The following GLIPR1L2 variants were observed in gnomAD, a reference collection of about 807,000 sequenced individuals.
GLIPR1L2 encodes GLIPR1 like 2, also known as GLIPR1-like protein 2.
A neutral mutation model predicts 28.4 loss-of-function variants in GLIPR1L2; 21 were observed. The observed-to-expected ratio is 0.74, with a 90% confidence interval of 0.52 to 1.06. The LOEUF (loss-of-function observed/expected upper bound fraction) is 1.06, where lower values mean the gene tolerates loss of function less well. Among genes scored for constraint, GLIPR1L2 ranks in the 50% least tolerant of loss-of-function variants. The pLI, the probability that GLIPR1L2 is intolerant of heterozygous loss-of-function variation, is 0.00. For synonymous variants in GLIPR1L2, 145 were observed against 139.3 expected, an observed-to-expected ratio of 1.04 and a Z score of -0.29; for missense variants, 476 against 416.9, an observed-to-expected ratio of 1.14 and a Z score of -1.23.
intron 4 of GLIPR1L2, among the ~76,000 whole-genome samples, chr12:75,424,487 A>G (rs2139963156): frequency 6.6e-6 from 1 of 152,196 alleles, no homozygotes; most frequent in South Asian, 2.1e-4. Flanking sequence ...GCTCTGTCAC[A>G]CAGGCTGGAA....
intron 1 of GLIPR1L2, among the ~76,000 whole-genome samples, chr12:75,400,313 A>G (rs2045726483): frequency 6.6e-6 from 1 of 151,866 alleles, no homozygotes; most frequent in Non-Finnish European, 1.5e-5. Flanking sequence ...TTTAGTAGAT[A>G]TAGGTTTTCA....
chr12:75,421,567 C>T (rs2045976389), intron 3 of GLIPR1L2, among the ~76,000 whole-genome samples: 1 of 152,152 alleles, frequency 6.6e-6, no homozygotes, highest in Non-Finnish European at 1.5e-5. Flanking sequence ...GATTAAATTA[C>T]CAGGATTAAT....
At chr12:75,426,980 G>A (rs979406537) in intron 4 of GLIPR1L2, among the ~76,000 whole-genome samples, 11 of 152,086 alleles carry the variant, frequency 7.2e-5, no homozygotes, top group Admixed American at 6.6e-5. Flanking sequence ...CTCTCTGTGA[G>A]CCCTGAATCT....
intron 3 of GLIPR1L2, among the ~76,000 whole-genome samples, chr12:75,416,366 G>T (rs186933555): frequency 6.6e-6 from 1 of 151,246 alleles, no homozygotes; most frequent in East Asian, 2.0e-4. Context: ...AGGCCCTGAA[G>T]TGGAAGTCAC....
chr12:75,423,012 G>GA (rs769479789), intron 4 of GLIPR1L2, 23 bp downstream of exon 4: 7 of 1,606,022 alleles, frequency 4.4e-6, no homozygotes, highest in African/African-American at 2.7e-5. Context: ...AAATAAACAT[G>GA]AAAAAAATGC....
At chr12:75,424,260 C>G (rs986350167) in intron 4 of GLIPR1L2, among the ~76,000 whole-genome samples, 1 of 152,210 alleles carries the variant, frequency 6.6e-6, no homozygotes, top group African/African-American at 2.4e-5. Context: ...GATCACTGTT[C>G]TAACTGGCAT....
chr12:75,424,572 A>G (rs2046014058), intron 4 of GLIPR1L2, among the ~76,000 whole-genome samples: 1 of 151,908 alleles, frequency 6.6e-6, no homozygotes, highest in South Asian at 2.1e-4. Context: ...CAGCCTCCCA[A>G]GTAGCTAATA....
At chr12:75,399,063 T>C (rs2045712248) in intron 1 of GLIPR1L2, among the ~76,000 whole-genome samples, 1 of 152,222 alleles carries the variant, frequency 6.6e-6, no homozygotes, top group Non-Finnish European at 1.5e-5. Flanking sequence ...TTAAATGTAC[T>C]ACCTTTTTTA....
Position 75,411,263 on chromosome 12 carries a change from A to G in GLIPR1L2, c.480+584A>G, listed in dbSNP as rs577664892. Among the ~76,000 whole-genome samples the G allele has an allele frequency of 1.2e-3, 189 of 151,968 alleles. 1 individual carries two copies. The highest frequency in any genetic ancestry group is 1.6e-3 in the Non-Finnish European group (111 of 67,818). The stretch of plus-strand genomic sequence containing the variant: ...CTGAGGGCAGGGACCTTACCTTTTC[A>G]TCCATATATTCTCAACATAACAACA... On this transcript the variant is annotated intron_variant, in intron 2 of 5. Transcript: ENST00000550916.
chr12:75,418,144 T>C (rs2045941646), intron 3 of GLIPR1L2, among the ~76,000 whole-genome samples: 1 of 152,132 alleles, frequency 6.6e-6, no homozygotes, highest in African/African-American at 2.4e-5. Context: ...TTTCCGCTTA[T>C]TGTGTTATAT....
intron 1 of GLIPR1L2, among the ~76,000 whole-genome samples, chr12:75,408,555 A>G (rs2045827472): frequency 2.0e-5 from 3 of 152,104 alleles, no homozygotes; most frequent in Admixed American, 1.3e-4. Context: ...AAGTATATGC[A>G]TAATAAATCA....
At chr12:75,398,078 C>A (rs1264097398) in intron 1 of GLIPR1L2, among the ~76,000 whole-genome samples, 1 of 151,290 alleles carries the variant, frequency 6.6e-6, no homozygotes, top group East Asian at 1.9e-4. Context: ...CGCCTGTAAT[C>A]CCAACACTTC....
At chr12:75,406,833 C>G (rs150590768) in intron 1 of GLIPR1L2, among the ~76,000 whole-genome samples, 94 of 151,778 alleles carry the variant, frequency 6.2e-4, no homozygotes, top group African/African-American at 2.1e-3. Flanking sequence ...GACAAAGACT[C>G]TCTCTCTACT....
chr12:75,431,311 C>A lies in GLIPR1L2; in HGVS notation c.*150C>A. 1.9e-6 allele frequency: 1 copy of A among 529,168 alleles called. No individual in the cohort carries two copies. The highest frequency in any genetic ancestry group is 3.3e-6 in the Non-Finnish European group (1 of 303,514). The allele number at this position is 529,168 out of a possible 1,614,324, so 32.8% of individuals were successfully genotyped here. A position where few individuals can be genotyped will look rare whatever the true frequency, so the allele number is the denominator to read the frequency against. ...ATTGGAATGTTTTTTATTCCCTTCT[C>A]TCCTATACTTATTCAATCAATTTAA... On this transcript the variant is annotated 3_prime_UTR_variant, in exon 6 of 6. Coordinates refer to ENST00000550916, the MANE Select transcript of GLIPR1L2 (RefSeq NM_001270396.2).
At chr12:75,414,606 A>C (rs1216374277) in intron 3 of GLIPR1L2, among the ~76,000 whole-genome samples, 1 of 152,100 alleles carries the variant, frequency 6.6e-6, no homozygotes, top group Non-Finnish European at 1.5e-5. Context: ...GAATATAGAC[A>C]TGCAAAATAA....
At chr12:75,401,842 G>A (rs2045745158) in intron 1 of GLIPR1L2, among the ~76,000 whole-genome samples, 2 of 151,998 alleles carry the variant, frequency 1.3e-5, no homozygotes, top group South Asian at 4.2e-4. Context: ...AAAGGAAAAG[G>A]CAATTAGCTG....
intron 1 of GLIPR1L2, among the ~76,000 whole-genome samples, chr12:75,397,480 T>TTG (rs926655706): frequency 1.3e-5 from 2 of 152,018 alleles, no homozygotes; most frequent in African/African-American, 4.8e-5. Flanking sequence ...TCAGCAGAGA[T>TTG]TGTGTGTGTG....
At chr12:75,394,174 A>C (rs1314345043) in intron 1 of GLIPR1L2, among the ~76,000 whole-genome samples, 1 of 151,998 alleles carries the variant, frequency 6.6e-6, no homozygotes, top group Non-Finnish European at 1.5e-5. Flanking sequence ...TCTTTTTCAG[A>C]TATATGATTT....
intron 1 of GLIPR1L2, among the ~76,000 whole-genome samples, chr12:75,394,638 T>C (rs2045663140): frequency 6.6e-6 from 1 of 151,820 alleles, no homozygotes; most frequent in Non-Finnish European, 1.5e-5. Context: ...TACTGTAGAA[T>C]ACTGGTAAGT....
Sources: gnomAD v4.1 joint callset for allele counts (sites outside exome capture counted in the v4.1 genomes callset) on GRCh38, gnomAD v4.1.1 for gene constraint, MANE v1.5 for transcripts, NCBI Gene and HGNC (gene_info 2026-07-23, HGNC 2026-07-21) for gene names.